PTPN4: variants seen among roughly 807,000 people sequenced by gnomAD.
PTPN4 encodes protein tyrosine phosphatase non-receptor type 4, also known as tyrosine-protein phosphatase non-receptor type 4.
PTPN4 carries 49 observed loss-of-function variants against 135.5 expected under a neutral mutation model. The ratio of observed to expected loss-of-function variants is 0.36; its 90% CI spans 0.29 to 0.46. The LOEUF (loss-of-function observed/expected upper bound fraction) is 0.46. PTPN4 is among the 20% of genes least tolerant of loss of function. The pLI is 1.00. For synonymous variants in PTPN4, 333 were observed against 369.9 expected (o/e 0.90, Z 1.14); for missense variants, 860 against 1,101.0 (o/e 0.78, Z 3.10).
Position 119,980,146 on chromosome 2 carries a change from G to C in PTPN4, c.*3076G>C, listed in dbSNP as rs1004207257. 6.6e-6 allele frequency: 1 copy of C among 152,050 alleles called. No homozygotes were observed. Among genetic ancestry groups the C allele is most frequent in the Admixed American group, 6.6e-5 (1 of 15,264 alleles). 9.4% of individuals were successfully genotyped at this position (152,050 alleles called of 1,614,324 possible). Reference sequence around the variant, plus strand: ...GTTGATGATTTTAATCAAGAGTAAAGGGAACATTTATTACATGAAATCTGA... The same window carrying C: ...GTTGATGATTTTAATCAAGAGTAAACGGAACATTTATTACATGAAATCTGA... On this transcript the variant is annotated 3_prime_UTR_variant, in exon 27 of 27. Transcript: ENST00000263708.
intron 2 of PTPN4, among the ~76,000 whole-genome samples, chr2:119,860,567 G>GA (rs761697648): frequency 1.2e-3 from 186 of 150,610 alleles, no homozygotes; most frequent in African/African-American, 3.9e-3. Flanking sequence ...TCCATTATAT[G>GA]AAAAAAAAAT....
intron 2 of PTPN4, among the ~76,000 whole-genome samples, chr2:119,836,068 CA>C (rs35095345): frequency 0.38 from 47,531 of 125,612 alleles, 8,285 homozygotes; most frequent in African/African-American, 0.54. Flanking sequence ...GTCTCCGTCT[CA>C]AAAAAAAAAA....
At chr2:119,790,016 CTGCACCTGGCCACCTGTTA>C (rs1245737814) in intron 1 of PTPN4, among the ~76,000 whole-genome samples, 1 of 152,172 alleles carries the variant, frequency 6.6e-6, no homozygotes, top group East Asian at 1.9e-4. Context: ...GTGTGAGCCA[CTGCACCTGGCCACCTGTTA>C]CTCATTTCTA....
chr2:119,977,883 G>A lies in PTPN4; in HGVS notation c.*813G>A, dbSNP rs921173756. 1.3e-5 allele frequency: 2 copies of A among 152,078 alleles called. No homozygotes were observed. The highest frequency in any genetic ancestry group is 4.8e-5 in the African/African-American group (2 of 41,420). The allele number at this position is 152,078 out of a possible 1,614,324, so 9.4% of individuals were successfully genotyped here. ...GGCACTCATTTGACCCCACTAGGAG[G>A]TATATATGTATATTGTACATTCGTA... On this transcript the variant is annotated 3_prime_UTR_variant, in exon 27 of 27. Transcript: ENST00000263708.
intron 26 of PTPN4, among the ~76,000 whole-genome samples, chr2:119,974,891 A>G (rs1435736200): frequency 6.6e-6 from 1 of 152,190 alleles, no homozygotes; most frequent in East Asian, 1.9e-4. Flanking sequence ...CCTCTTTTAC[A>G]TCTTTAACAA....
At chr2:119,909,029 T>C (rs1678530090) in intron 10 of PTPN4, among the ~76,000 whole-genome samples, 1 of 152,152 alleles carries the variant, frequency 6.6e-6, no homozygotes, top group Non-Finnish European at 1.5e-5. Flanking sequence ...GAAGAAAAGT[T>C]TGAAGCTAGT....
At position 119,843,184 on chromosome 2, in the gene PTPN4, T is replaced by A. The variant is rs1323052718; in HGVS notation, c.139-19352T>A. Among the ~76,000 whole-genome samples the A allele has an allele frequency of 3.3e-5, 5 of 151,944 alleles. No homozygotes were observed. In the South Asian group the frequency reaches 6.2e-4, roughly 19 times the overall value. On this transcript the variant is annotated intron_variant, in intron 2 of 26. Transcript: ENST00000263708. ...TATGGTGGATTATATTGAGCTTTTT[T>A]AGAATATTCTGCCAAGAATTGGTAT...
At chr2:119,762,939 G>C (rs568679543) in intron 1 of PTPN4, among the ~76,000 whole-genome samples, 3 of 152,190 alleles carry the variant, frequency 2.0e-5, no homozygotes, top group African/African-American at 7.2e-5. Context: ...GTTTGGCTTA[G>C]CATTCTGAAA....
chr2:119,891,965 G>T (rs1390742392), intron 9 of PTPN4, among the ~76,000 whole-genome samples: 1 of 152,146 alleles, frequency 6.6e-6, no homozygotes, highest in African/African-American at 2.4e-5. Flanking sequence ...TCTGTGGTTT[G>T]GGTTGAGTAG....
At chr2:119,797,010 C>A (rs927595833) in intron 1 of PTPN4, among the ~76,000 whole-genome samples, 7 of 151,904 alleles carry the variant, frequency 4.6e-5, no homozygotes, top group African/African-American at 1.7e-4. Flanking sequence ...CATATATCTT[C>A]TTTGGTGAAG....
chr2:119,826,202 ATT>A (rs575082507), intron 2 of PTPN4, among the ~76,000 whole-genome samples: 12 of 152,220 alleles, frequency 7.9e-5, no homozygotes, highest in Non-Finnish European at 1.6e-4. Flanking sequence ...TTAGCCATAT[ATT>A]TATAGAACAC....
chr2:119,883,736 A>G (rs1342080879), intron 8 of PTPN4, among the ~76,000 whole-genome samples: 1 of 152,194 alleles, frequency 6.6e-6, no homozygotes, highest in East Asian at 1.9e-4. Flanking sequence ...GGGGATAATA[A>G]AAGTATCTAT....
At chr2:119,869,037 A>G (rs955058071) in intron 3 of PTPN4, among the ~76,000 whole-genome samples, 5 of 152,256 alleles carry the variant, frequency 3.3e-5, no homozygotes, top group African/African-American at 1.2e-4. Flanking sequence ...AAAGCCTTGT[A>G]TACAAATGTT....
chr2:119,913,359 T>TA (rs1358576478), intron 10 of PTPN4, among the ~76,000 whole-genome samples: 6 of 152,342 alleles, frequency 3.9e-5, no homozygotes, highest in African/African-American at 1.2e-4. Flanking sequence ...ATTTTTATTA[T>TA]AACCATTCTA....
chr2:119,969,580 A>T (rs1252285121), intron 26 of PTPN4, among the ~76,000 whole-genome samples: 2 of 92,462 alleles, frequency 2.2e-5, no homozygotes, highest in East Asian at 3.8e-4. Context: ...TTTTTTTGAG[A>T]CGGAGTCTCG....
chr2:119,842,065 A>G (rs1466852834), intron 2 of PTPN4, among the ~76,000 whole-genome samples: 1 of 152,344 alleles, frequency 6.6e-6, no homozygotes, highest in East Asian at 1.9e-4. Context: ...TTTACAACAT[A>G]TGATTTCATT....
chr2:119,853,358 CT>C (rs1677625283), intron 2 of PTPN4, among the ~76,000 whole-genome samples: 1 of 151,968 alleles, frequency 6.6e-6, no homozygotes, highest in Admixed American at 6.6e-5. Context: ...TTCTGTTTTA[CT>C]TTTTCTGCTC....
chr2:119,945,934 C>G (rs1426949670), intron 16 of PTPN4, among the ~76,000 whole-genome samples: 1 of 152,064 alleles, frequency 6.6e-6, no homozygotes, highest in Non-Finnish European at 1.5e-5. Flanking sequence ...AATTATATCT[C>G]AATAAAGCTG....
chr2:119,850,426 G>C (rs975569589), intron 2 of PTPN4, among the ~76,000 whole-genome samples: 3 of 152,200 alleles, frequency 2.0e-5, no homozygotes, highest in African/African-American at 7.2e-5. Context: ...GCAGGCTTTG[G>C]GTGGAGGAAG....
Sources: gnomAD v4.1 joint callset for allele counts (sites outside exome capture counted in the v4.1 genomes callset) on GRCh38, gnomAD v4.1.1 for gene constraint, MANE v1.5 for transcripts, NCBI Gene and HGNC (gene_info 2026-07-23, HGNC 2026-07-21) for gene names.